The following GABBR1 variants were observed in gnomAD, a reference collection of about 807,000 sequenced individuals.
GABBR1 encodes gamma-aminobutyric acid type B receptor subunit 1.
GABBR1 carries 35 observed loss-of-function variants against 117.7 expected under a neutral mutation model. The observed-to-expected ratio is 0.30, with a 90% CI of 0.23 to 0.39. The LOEUF is 0.39. GABBR1 is among the 10% of genes least tolerant of loss of function. The pLI is 1.00. For missense variants in GABBR1, 709 were observed against 1,241.8 expected (o/e 0.57, Z 6.45); for synonymous variants, 442 against 486.6 (o/e 0.91, Z 1.21).
Position 29,632,577 on chromosome 6 carries a change from G to GTC in GABBR1, c.1-194_1-193dup, listed in dbSNP as rs1583030476. On this transcript the variant is annotated intron_variant, in intron 1 of 22. Transcript: ENST00000377034. The surrounding 1 kb of genome is among the most constrained non-coding windows in gnomAD (Gnocchi z 5.8). ...GGGGGGAGAGGAGGAGAGAAAGCCT[G>GTC]TCCCCACCCTCCTCCTGCCTCCCTC... The GTC allele has an allele frequency of 1.0e-6, 1 of 993,500 alleles. No homozygotes were observed. The highest frequency in any genetic ancestry group is 1.7e-5 in the African/African-American group (1 of 58,980). 61.5% of individuals were successfully genotyped at this position (993,500 alleles called of 1,614,324 possible).
In GABBR1 at chr6:29,603,404, G is replaced by C. The variant is rs1040399443; in HGVS notation, c.*139C>G. The C allele has an allele frequency of 5.1e-6, 4 of 780,798 alleles. No homozygotes were observed. The highest frequency in any genetic ancestry group is 2.9e-5 in the South Asian group (2 of 68,184). The allele number at this position is 780,798 out of a possible 1,614,324, so 48.4% of individuals were successfully genotyped here. On this transcript the variant is annotated 3_prime_UTR_variant, in exon 23 of 23. Transcript: ENST00000377034. The stretch of plus-strand genomic sequence containing the variant: ...CCCAAATCAGCCCAGAACTCACAGG[G>C]GGACATGTATTTACAAGAGATGAGA...
chr6:29,627,856 G>C lies in GABBR1; in HGVS notation c.497-210C>G, dbSNP rs1012306350. Reference sequence around the variant, plus strand: ...GCTCAGGGGGGACACTTTTCCTGGGGAGGGCTGCTAAGAGGGTGCCGGGGA... The same window carrying C: ...GCTCAGGGGGGACACTTTTCCTGGGCAGGGCTGCTAAGAGGGTGCCGGGGA... On this transcript the variant is annotated intron_variant, in intron 5 of 22. Coordinates refer to ENST00000377034, the MANE Select transcript of GABBR1 (RefSeq NM_001470.4). This position sits in a 1 kb window ranked among gnomAD's most constrained non-coding sequence, Gnocchi z 4.4. 1.0e-5 allele frequency: 14 copies of C among 1,393,300 alleles called. No homozygotes were observed. The African/African-American group carries it at 1.8e-4, about 18-fold the overall frequency. 86.3% of individuals were successfully genotyped at this position (1,393,300 alleles called of 1,614,324 possible).
Position 29,610,942 on chromosome 6 carries a change from T to G in GABBR1, c.1690A>C (p.Lys564Gln). The change falls in exon 14 of 23, where the codon AAA (lysine) becomes CAA (glutamine). Residue 564 changes from lysine to glutamine, a missense_variant. Physicochemically the swap from Lys to Gln is moderately conservative, Grantham distance 53 (BLOSUM62 1). This residue lies in a region of GABBR1 where 251 missense variants were observed against 445.3 expected (regional missense o/e 0.56). Transcript: ENST00000377034. ...CACTCACCAATCCATTTATCTGTTT[T>G]GGACCAGGAAAGATCATCCTTGGTG... ...DSTKDDLSWS[K>Q]TDKWIGGSPP... 3.7e-6 allele frequency: 6 copies of G among 1,612,986 alleles called. No homozygotes were observed. The highest frequency in any genetic ancestry group is 3.4e-6 in the Non-Finnish European group (4 of 1,179,914).
At position 29,632,253 on chromosome 6, in the gene GABBR1, A is replaced by G; in HGVS notation, c.85+48T>C. The G allele has an allele frequency of 1.8e-6, 2 of 1,092,352 alleles. No individual in the cohort carries two copies. Among genetic ancestry groups the G allele is most frequent in the Non-Finnish European group, 2.5e-6 (2 of 802,026 alleles). 67.7% of individuals were successfully genotyped at this position (1,092,352 alleles called of 1,614,324 possible). A position where few individuals can be genotyped will look rare whatever the true frequency, so the allele number is the denominator to read the frequency against. ...ACCAGAAATGAGGAGATGCAGGGAA[A>G]GGGAAGTGGAGCGAAGGAGGGCCGG... On this transcript the variant is annotated intron_variant, in intron 2 of 22. Transcript: ENST00000377034. The surrounding 1 kb of genome is among the most constrained non-coding windows in gnomAD (Gnocchi z 5.8).
At chr6:29,624,658 G>A (rs1764093749) in intron 6 of GABBR1, among the ~76,000 whole-genome samples, 1 of 152,136 alleles carries the variant, frequency 6.6e-6, no homozygotes, top group Admixed American at 6.5e-5. Flanking sequence ...TGGAAGTAGG[G>A]AAGAATGTAG....
At position 29,632,560 on chromosome 6, in the gene GABBR1, A is replaced by G. The variant is rs1765117131; in HGVS notation, c.1-175T>C. On this transcript the variant is annotated intron_variant, in intron 1 of 22. Transcript: ENST00000377034. This position sits in a 1 kb window ranked among gnomAD's most constrained non-coding sequence, Gnocchi z 5.8. ...GGAGCCCCGCGCGGGGTGGGGGGAG[A>G]GGAGGAGAGAAAGCCTGTCCCCACC... 2 of 876,892 alleles carry G rather than the reference A, an allele frequency of 2.3e-6. No homozygotes were observed. The highest frequency in any genetic ancestry group is 2.1e-5 in the South Asian group (1 of 48,466). The allele number at this position is 876,892 out of a possible 1,614,324, so 54.3% of individuals were successfully genotyped here.
intron 14 of GABBR1, among the ~76,000 whole-genome samples, chr6:29,610,647 G>T (rs188923889): frequency 6.6e-6 from 1 of 151,308 alleles, no homozygotes; most frequent in East Asian, 1.9e-4. Context: ...TCCATTTCCC[G>T]CCCTCTGCCC....
chr6:29,605,506 G>A lies in GABBR1; in HGVS notation c.2439+63C>T, dbSNP rs1761853665. On this transcript the variant is annotated intron_variant, in intron 20 of 22. Coordinates refer to ENST00000377034, the MANE Select transcript of GABBR1 (RefSeq NM_001470.4). The surrounding 1 kb of genome is among the most constrained non-coding windows in gnomAD (Gnocchi z 4.2). ...CCAGATCTAGCATTGATTCTTCCTA[G>A]TCCTCTATATCTGGGCTGCTGTGGT... The A allele has an allele frequency of 1.3e-6, 2 of 1,578,446 alleles. No individual in the cohort carries two copies. Among genetic ancestry groups the A allele is most frequent in the Admixed American group, 3.5e-5 (2 of 56,518 alleles).
chr6:29,626,560 T>C (rs1429174698), intron 6 of GABBR1, among the ~76,000 whole-genome samples: 1 of 151,914 alleles, frequency 6.6e-6, no homozygotes, highest in Non-Finnish European at 1.5e-5. Context: ...CAAATTTGCT[T>C]ACCTTCTCTC....
rs1321755944 is a variant in GABBR1, at chr6:29,620,881, A to ACTC, written c.1323+217_1323+219dup. On this transcript the variant is annotated intron_variant, in intron 11 of 22. Coordinates refer to ENST00000377034, the MANE Select transcript of GABBR1 (RefSeq NM_001470.4). The surrounding 1 kb of genome is among the most constrained non-coding windows in gnomAD (Gnocchi z 4.5). ...TCATCAGGAACCTACTGAACATACAACTCCATCGTTTTTTTTTTTTTCTCT... is the reference window on the plus strand; with the variant it reads ...TCATCAGGAACCTACTGAACATACAACTCCTCCATCGTTTTTTTTTTTTTCTCT... Among the ~76,000 whole-genome samples the ACTC allele has an allele frequency of 1.4e-5, 2 of 145,794 alleles. No individual in the cohort carries two copies. Among genetic ancestry groups the ACTC allele is most frequent in the Non-Finnish European group, 3.0e-5 (2 of 66,500 alleles).
Position 29,605,997 on chromosome 6 carries a change from T to G in GABBR1, c.2312-301A>C. On this transcript the variant is annotated intron_variant, in intron 19 of 22. Coordinates refer to ENST00000377034, the MANE Select transcript of GABBR1 (RefSeq NM_001470.4). This position sits in a 1 kb window ranked among gnomAD's most constrained non-coding sequence, Gnocchi z 4.2. ...TAGGCCAGTCTGGGCCACACATGCC[T>G]CACCCTTACCCTACAGGTGGGAAGG... 1 of 542,230 alleles carries G rather than the reference T, an allele frequency of 1.8e-6. No individual in the cohort carries two copies. 33.6% of individuals were successfully genotyped at this position (542,230 alleles called of 1,614,324 possible). A position where few individuals can be genotyped will look rare whatever the true frequency, so the allele number is the denominator to read the frequency against.
In GABBR1 at chr6:29,603,216, G is replaced by C. The variant is rs1761558969; in HGVS notation, c.*327C>G. On this transcript the variant is annotated 3_prime_UTR_variant, in exon 23 of 23. Coordinates refer to ENST00000377034, the MANE Select transcript of GABBR1 (RefSeq NM_001470.4). The stretch of plus-strand genomic sequence containing the variant: ...AGGGGTTGCCGTGGTAACTAGAAGA[G>C]GGTGTTGCATGGGAAGAGAAAGATG... 1.8e-6 allele frequency: 1 copy of C among 544,030 alleles called. No individual in the cohort carries two copies. Among genetic ancestry groups the C allele is most frequent in the African/African-American group, 1.9e-5 (1 of 53,212 alleles). 33.7% of individuals were successfully genotyped at this position (544,030 alleles called of 1,614,324 possible).
In GABBR1 at chr6:29,621,764, T is replaced by C. The variant is rs1763773133; in HGVS notation, c.1119A>G (p.Lys373=). 1.2e-6 allele frequency: 2 copies of C among 1,613,544 alleles called. No individual in the cohort carries two copies. The highest frequency in any genetic ancestry group is 1.7e-6 in the Non-Finnish European group (2 of 1,179,700). ...GATCCAACTCCACCTCACAAAAAACTTTCCGGGCTTCAGTCTCATAGAAAA... is the reference window on the plus strand; with the variant it reads ...GATCCAACTCCACCTCACAAAAAACCTTCCGGGCTTCAGTCTCATAGAAAA... ...VGLFYETEAR[K]VFCEVYKERL... is the part of the protein sequence containing the mutation. Residue 373 remains lysine, a synonymous_variant, in exon 10 of 23, where the codon AAA becomes AAG. Transcript: ENST00000377034. The surrounding 1 kb of genome is among the most constrained non-coding windows in gnomAD (Gnocchi z 5.0).
In GABBR1 at chr6:29,607,295, A is replaced by G; in HGVS notation, c.1993-77T>C. 8.5e-7 allele frequency: 1 copy of G among 1,177,598 alleles called. No individual in the cohort carries two copies. The highest frequency in any genetic ancestry group is 1.3e-6 in the Non-Finnish European group (1 of 791,508). The allele number at this position is 1,177,598 out of a possible 1,614,324, so 72.9% of individuals were successfully genotyped here. On this transcript the variant is annotated intron_variant, in intron 16 of 22. Transcript: ENST00000377034. The surrounding 1 kb of genome is among the most constrained non-coding windows in gnomAD (Gnocchi z 5.0). ...CTGCAGTAAGGATGGGCAGAACCCT[A>G]AGGGAGAGTGGGCAGGGAGCACGGG...
Position 29,606,881 on chromosome 6 carries a change from T to C in GABBR1, c.2217+16A>G. 1 of 1,605,290 alleles carries C rather than the reference T, an allele frequency of 6.2e-7. No individual in the cohort carries two copies. Among genetic ancestry groups the C allele is most frequent in the Non-Finnish European group, 8.5e-7 (1 of 1,172,032 alleles). Reference sequence around the variant, plus strand: ...TGCTCATTCTCCTGACCATAGCACCTCCTCTCCAGTGGTACCTCAATGGTC... The same window carrying C: ...TGCTCATTCTCCTGACCATAGCACCCCCTCTCCAGTGGTACCTCAATGGTC... On this transcript the variant is annotated intron_variant, in intron 18 of 22. Transcript: ENST00000377034. The surrounding 1 kb of genome is among the most constrained non-coding windows in gnomAD (Gnocchi z 4.5).
Position 29,613,994 on chromosome 6 carries a change from C to T in GABBR1, c.1324-509G>A, listed in dbSNP as rs531535485. On this transcript the variant is annotated intron_variant, in intron 11 of 22. Coordinates refer to ENST00000377034, the MANE Select transcript of GABBR1 (RefSeq NM_001470.4). This position sits in a 1 kb window ranked among gnomAD's most constrained non-coding sequence, Gnocchi z 4.1. ...ATTTCTTCAGCATGCTAACTTCTTG[C>T]CATTCTTGTGTGCTTTTGGTTCACT... Among the ~76,000 whole-genome samples the T allele has an allele frequency of 2.0e-5, 3 of 152,298 alleles. No homozygotes were observed. The highest frequency in any genetic ancestry group is 4.1e-4 in the South Asian group (2 of 4,832).
intron 11 of GABBR1, among the ~76,000 whole-genome samples, chr6:29,616,513 A>T (rs929654987): frequency 6.6e-6 from 1 of 151,136 alleles, no homozygotes. Flanking sequence ...GTGAAACCCC[A>T]TGTCCACTAA....
Position 29,608,711 on chromosome 6 carries a change from T to C in GABBR1, c.1882A>G (p.Asn628Asp). The change falls in exon 16 of 23, where the codon AAC becomes GAC. Residue 628 changes from asparagine (N) to aspartate (D), a missense_variant. By Grantham distance (23) the Asn-to-Asp change is conservative. Coordinates refer to ENST00000377034, the MANE Select transcript of GABBR1 (RefSeq NM_001470.4). ...HVRYIQNSQP[N>D]LNNLTAVGCS... Reference sequence around the variant, plus strand: ...CCCACAGCAGTCAGGTTGTTCAGGTTGGGCTGTGAGTTCTGGATATAACTA... The same window carrying C: ...CCCACAGCAGTCAGGTTGTTCAGGTCGGGCTGTGAGTTCTGGATATAACTA... The C allele has an allele frequency of 6.2e-7, 1 of 1,613,074 alleles. No homozygotes were observed.
intron 11 of GABBR1, among the ~76,000 whole-genome samples, chr6:29,617,881 C>T (rs906719561): frequency 2.0e-5 from 3 of 152,180 alleles, no homozygotes; most frequent in African/African-American, 4.8e-5. Flanking sequence ...TAGGACGTAT[C>T]GAGCATTTTC....
Sources: allele counts gnomAD v4.1 joint callset (sites outside exome capture counted in the v4.1 genomes callset), GRCh38; gene constraint gnomAD v4.1.1; regional missense constraint gnomAD v4.1.1; non-coding constraint Gnocchi (gnomAD v3.1); transcripts MANE v1.5; gene names NCBI Gene and HGNC (gene_info 2026-07-23, HGNC 2026-07-21).